Variants in SRPK1 observed in about 807,000 individuals in gnomAD.
The protein encoded by SRPK1 is SRSF protein kinase 1, also known as SFRS protein kinase 1.
SRPK1 carries 52 observed loss-of-function variants against 89.5 expected under a neutral mutation model. That is an observed-to-expected ratio of 0.58 (90% CI 0.46 to 0.73). SRPK1 has a LOEUF of 0.73. SRPK1 is among the 30% of genes least tolerant of loss of function. The pLI is 0.00. For synonymous variants in SRPK1, 255 were observed against 270.2 expected, an observed-to-expected ratio of 0.94 and a Z score of 0.55; for missense variants, 603 against 780.6, an observed-to-expected ratio of 0.77 and a Z score of 2.71.
At chr6:35,907,919 C>G (rs1217999374) in intron 2 of SRPK1, among the ~76,000 whole-genome samples, 4 of 152,038 alleles carry the variant, frequency 2.6e-5, no homozygotes, top group South Asian at 4.1e-4. Flanking sequence ...TGAGTTCTCA[C>G]GAGAGCTGAT....
At position 35,869,998 on chromosome 6, in the gene SRPK1, T is replaced by C. The variant is rs139984476; in HGVS notation, c.992-97A>G. ...AGATTAAAACATTTTCTAGAACTTA[T>C]ACTGAGTGACATAAAAACATGACTA... On this transcript the variant is annotated intron_variant, in intron 10 of 15. Coordinates refer to ENST00000373825, the MANE Select transcript of SRPK1 (RefSeq NM_003137.5). The C allele has an allele frequency of 2.3e-4, 314 of 1,337,710 alleles. No homozygotes were observed. The African/African-American group carries it at 4.2e-3, about 18-fold the overall frequency. The allele number at this position is 1,337,710 out of a possible 1,614,324, so 82.9% of individuals were successfully genotyped here. A position where few individuals can be genotyped will look rare whatever the true frequency, so the allele number is the denominator to read the frequency against.
intron 12 of SRPK1, among the ~76,000 whole-genome samples, chr6:35,866,038 A>G (rs1478083923): frequency 1.3e-5 from 2 of 152,124 alleles, no homozygotes; most frequent in African/African-American, 4.8e-5. Flanking sequence ...AAATAATCCC[A>G]TTAAAAGGTA....
At chr6:35,870,181 C>G (rs536245367) in intron 10 of SRPK1, 100 bp downstream of exon 10, 1 of 1,022,288 alleles carries the variant, frequency 9.8e-7, no homozygotes, top group East Asian at 2.6e-5. Context: ...AAGATACCCC[C>G]AGAGATGTGT....
intron 13 of SRPK1, among the ~76,000 whole-genome samples, chr6:35,843,334 C>CA (rs113392736): frequency 0.088 from 6,233 of 71,160 alleles, 146 homozygotes; most frequent in South Asian, 0.19. Context: ...CAAAAAAAAT[C>CA]AAAAAAAAAA....
At chr6:35,896,866 A>G (rs1365171580) in intron 2 of SRPK1, among the ~76,000 whole-genome samples, 4 of 152,258 alleles carry the variant, frequency 2.6e-5, no homozygotes, top group South Asian at 2.1e-4. Context: ...CAAAATTCAT[A>G]TATCTATACA....
Position 35,915,699 on chromosome 6 carries a change from G to A in SRPK1, c.74+4769C>T, listed in dbSNP as rs956605187. The stretch of plus-strand genomic sequence containing the variant: ...CTTTAAAGGTATATACAGGCCAGGT[G>A]CGGTGGCTCACGCCTGTAAGCCTAG... On this transcript the variant is annotated intron_variant, in intron 2 of 15. Coordinates refer to ENST00000373825, the MANE Select transcript of SRPK1 (RefSeq NM_003137.5). Among the ~76,000 whole-genome samples the A allele has an allele frequency of 2.6e-5, 4 of 152,072 alleles. No homozygotes were observed. In the South Asian group the frequency reaches 6.2e-4, roughly 24 times the overall value.
At chr6:35,920,934 C>T in intron 1 of SRPK1, 110 bp downstream of exon 1, 2 of 1,293,406 alleles carry the variant, frequency 1.5e-6, no homozygotes, top group Non-Finnish European at 2.1e-6. Context: ...TGGAGGGGCG[C>T]CGCACGTCCG....
chr6:35,869,514 T>C lies in SRPK1; in HGVS notation c.1379A>G (p.Glu460Gly). ...RAEIPCEDEQ[E>G]QEHNGPLDNK... ...GTCCAGTGGTCCGTTATGTTCTTGC[T>C]CTTGTTCATCTTCACAGGGTATCTC... Residue 460 changes from glutamate to glycine, a missense_variant, in exon 11 of 16, where the codon GAG becomes GGG. Coordinates refer to ENST00000373825, the MANE Select transcript of SRPK1 (RefSeq NM_003137.5). The C allele has an allele frequency of 1.2e-6, 2 of 1,614,022 alleles. No individual in the cohort carries two copies. The highest frequency in any genetic ancestry group is 1.7e-6 in the Non-Finnish European group (2 of 1,179,882).
intron 12 of SRPK1, among the ~76,000 whole-genome samples, chr6:35,867,855 T>TA (rs376153581): frequency 6.6e-6 from 1 of 152,124 alleles, no homozygotes; most frequent in African/African-American, 2.4e-5. Flanking sequence ...AGATACACAG[T>TA]AAAAAACAAC....
At chr6:35,846,038 T>C (rs1769418650) in intron 13 of SRPK1, among the ~76,000 whole-genome samples, 1 of 152,174 alleles carries the variant, frequency 6.6e-6, no homozygotes, top group African/African-American at 2.4e-5. Context: ...TAAAGTCTGT[T>C]TTAAATTTAA....
chr6:35,880,250 T>A (rs992683815), intron 6 of SRPK1, among the ~76,000 whole-genome samples: 1 of 151,090 alleles, frequency 6.6e-6, no homozygotes, highest in South Asian at 2.1e-4. Context: ...ACTAGAGGGA[T>A]TCAAAGGCAG....
intron 2 of SRPK1, chr6:35,904,983 G>T: frequency 2.3e-6 from 1 of 441,888 alleles, no homozygotes; most frequent in South Asian, 1.6e-5. Context: ...CTCTACAAAA[G>T]AAAAGAAAAA....
chr6:35,838,964 C>T, intron 14 of SRPK1: 1 of 611,672 alleles, frequency 1.6e-6, no homozygotes, highest in African/African-American at 1.9e-5. Flanking sequence ...GGTGGTTGGT[C>T]ACCCGATAGT....
At chr6:35,859,911 T>A (rs924346725) in intron 12 of SRPK1, among the ~76,000 whole-genome samples, 4 of 150,402 alleles carry the variant, frequency 2.7e-5, no homozygotes, top group African/African-American at 4.9e-5. Context: ...CAGGCTGGAG[T>A]GCAGTGGTGC....
At chr6:35,839,586 T>G (rs1443463093) in intron 14 of SRPK1, among the ~76,000 whole-genome samples, 3 of 151,188 alleles carry the variant, frequency 2.0e-5, no homozygotes, top group Admixed American at 1.3e-4. Flanking sequence ...AACCAGGAGG[T>G]GAGTCTGGGA....
At chr6:35,920,579 C>T (rs888022152) in intron 1 of SRPK1, 51 bp from the exon 2 acceptor site, 2 of 1,587,416 alleles carry the variant, frequency 1.3e-6, no homozygotes, top group African/African-American at 2.7e-5. Context: ...AAGGAGGCGA[C>T]CAAGGTGAGG....
At chr6:35,856,140 T>C (rs1258937178) in intron 13 of SRPK1, among the ~76,000 whole-genome samples, 1 of 152,210 alleles carries the variant, frequency 6.6e-6, no homozygotes, top group Non-Finnish European at 1.5e-5. Flanking sequence ...GCTTGAAGAC[T>C]GAGCTCAATC....
intron 13 of SRPK1, among the ~76,000 whole-genome samples, chr6:35,850,095 G>GA (rs562115509): frequency 2.0e-5 from 3 of 150,498 alleles, no homozygotes; most frequent in African/African-American, 4.9e-5. Flanking sequence ...AGTTAAAAAA[G>GA]AAAAAAAAGG....
chr6:35,870,239 A>G (rs1420002000), intron 10 of SRPK1, 42 bp downstream of exon 10: 3 of 1,542,786 alleles, frequency 1.9e-6, no homozygotes, highest in Admixed American at 1.8e-5. Flanking sequence ...AATTAACGTT[A>G]AAGTGTGTTG....
Sources: gnomAD v4.1 joint callset for allele counts (sites outside exome capture counted in the v4.1 genomes callset) on GRCh38, gnomAD v4.1.1 for gene constraint, MANE v1.5 for transcripts, NCBI Gene and HGNC (gene_info 2026-07-23, HGNC 2026-07-21) for gene names.